Variants in NLGN1 observed in about 807,000 individuals in gnomAD.
NLGN1 encodes neuroligin 1.
NLGN1 carries 12 observed loss-of-function variants against 65.5 expected under a neutral mutation model. That is an observed-to-expected ratio of 0.18 (90% confidence interval 0.12 to 0.30). The LOEUF (loss-of-function observed/expected upper bound fraction) is 0.30, where lower values mean the gene tolerates loss of function less well. Ranked by LOEUF, NLGN1 falls within the 10% of genes least tolerant of loss-of-function variation. The pLI, the probability that NLGN1 is intolerant of heterozygous loss-of-function variation, is 1.00. For synonymous variants in NLGN1, 350 were observed against 359.5 expected (o/e 0.97, Z 0.30); for missense variants, 750 against 1,007.1 (o/e 0.74, Z 3.46).
intron 4 of NLGN1, among the ~76,000 whole-genome samples, chr3:174,118,976 T>C (rs1468844428): frequency 6.6e-6 from 1 of 152,044 alleles, no homozygotes; most frequent in African/African-American, 2.4e-5. Flanking sequence ...AGAAAGGCAA[T>C]AATAATTGGT....
chr3:174,227,320 G>A (rs1287284016), intron 4 of NLGN1, among the ~76,000 whole-genome samples: 3 of 152,088 alleles, frequency 2.0e-5, no homozygotes, highest in Non-Finnish European at 4.4e-5. Context: ...ATTCACCCTT[G>A]CCACATAGTG....
intron 4 of NLGN1, among the ~76,000 whole-genome samples, chr3:173,899,591 C>A (rs1159576392): frequency 1.3e-5 from 2 of 152,020 alleles, no homozygotes; most frequent in Non-Finnish European, 2.9e-5. Context: ...TGAGAAAAAT[C>A]AAAAGAATAG....
intron 4 of NLGN1, among the ~76,000 whole-genome samples, chr3:174,083,040 T>C (rs1742560335): frequency 6.6e-6 from 1 of 152,236 alleles, no homozygotes; most frequent in Non-Finnish European, 1.5e-5. Context: ...TTTATTTTTT[T>C]CTACTTTATT....
intron 4 of NLGN1, among the ~76,000 whole-genome samples, chr3:173,946,316 GTGTGTGTGTGTA>G (rs1747138744): frequency 6.6e-6 from 1 of 151,724 alleles, no homozygotes; most frequent in African/African-American, 2.4e-5. Context: ...GTGTTTGGTT[GTGTGTGTGTGTA>G]TGTGTGTGTG....
chr3:174,046,624 A>G (rs1189639965), intron 4 of NLGN1, among the ~76,000 whole-genome samples: 2 of 152,164 alleles, frequency 1.3e-5, no homozygotes, highest in African/African-American at 4.8e-5. Context: ...AATCTCATGC[A>G]AGTTTGTGAC....
At chr3:173,806,702 C>T (rs1310833471) in intron 3 of NLGN1, among the ~76,000 whole-genome samples, 4 of 152,028 alleles carry the variant, frequency 2.6e-5, no homozygotes, top group Non-Finnish European at 4.4e-5. Context: ...GAAATCAGTG[C>T]ATTTTTCATA....
In NLGN1 at chr3:173,847,490, A is replaced by G. The variant is rs1251299037; in HGVS notation, c.646+39658A>G. ...ATGATGGCTACCAGCTATATTAAAA[A>G]TGTAGCTTTAAAGACTGGCTTATTA... is the stretch of plus-strand genomic sequence containing the variant. On this transcript the variant is annotated intron_variant, in intron 4 of 6. Coordinates refer to ENST00000457714, the Ensembl canonical transcript of NLGN1. Among the ~76,000 whole-genome samples, 115 of 152,252 alleles carry G rather than the reference A, an allele frequency of 7.6e-4. 1 individual carries two copies. Among genetic ancestry groups the G allele is most frequent in the Non-Finnish European group, 2.9e-5 (2 of 68,042 alleles).
chr3:174,154,993 T>TATATATAATATATTATATTATTATAA, intron 4 of NLGN1, among the ~76,000 whole-genome samples: 1 of 122,464 alleles, frequency 8.2e-6, no homozygotes, highest in East Asian at 2.5e-4. Flanking sequence ...TATTATATAT[T>TATATATAATATATTATATTATTATAA]ATATATATTT....
intron 3 of NLGN1, among the ~76,000 whole-genome samples, chr3:173,610,713 A>C (rs1190329672): frequency 6.6e-6 from 1 of 151,972 alleles, no homozygotes; most frequent in Non-Finnish European, 1.5e-5. Context: ...CCAAGTGGGC[A>C]TAGTGATCAA....
At chr3:173,688,188 G>T (rs758960814) in intron 3 of NLGN1, among the ~76,000 whole-genome samples, 1 of 152,126 alleles carries the variant, frequency 6.6e-6, no homozygotes. Context: ...CTTGTGAGTC[G>T]TATGACATGG....
At chr3:173,807,955 G>A (rs1343198429) in intron 4 of NLGN1, 123 bp downstream of exon 4, 8 of 918,778 alleles carry the variant, frequency 8.7e-6, no homozygotes, top group African/African-American at 3.4e-5. Context: ...TGACATTCTC[G>A]AGCCCAAATT....
At chr3:174,106,192 A>G (rs1231784244) in intron 4 of NLGN1, among the ~76,000 whole-genome samples, 1 of 152,186 alleles carries the variant, frequency 6.6e-6, no homozygotes, top group African/African-American at 2.4e-5. Context: ...GAGCTCGCAT[A>G]AAGTTTATAT....
At chr3:173,630,984 C>A (rs1755594329) in intron 3 of NLGN1, among the ~76,000 whole-genome samples, 1 of 151,972 alleles carries the variant, frequency 6.6e-6, no homozygotes, top group African/African-American at 2.4e-5. Context: ...AAAGAAAGTC[C>A]CAAGAAGAGA....
Position 173,911,328 on chromosome 3 carries a change from G to T in NLGN1, c.646+103496G>T, listed in dbSNP as rs375138671. ...TATCTAAGAGGTGAAATAAATCTAC[G>T]TTAACCTTGTATAGAACGGTTTCTA... On this transcript the variant is annotated intron_variant, in intron 4 of 6. Coordinates refer to ENST00000457714, the Ensembl canonical transcript of NLGN1. 9.2e-5 allele frequency among the ~76,000 whole-genome samples: 14 copies of T among 152,198 alleles called. No individual in the cohort carries two copies. The East Asian group carries it at 2.5e-3, about 27-fold the overall frequency.
Position 174,280,805 on chromosome 3 carries a change from C to G in NLGN1, c.1974C>G (p.Pro658=). 6.2e-7 allele frequency: 1 copy of G among 1,613,418 alleles called. No homozygotes were observed. Among genetic ancestry groups the G allele is most frequent in the Non-Finnish European group, 8.5e-7 (1 of 1,179,588 alleles). ...TTCCCACTGCCAAGCAGGATGATCC[C>G]AAACAACAACCAAGTCCATTTTCAG... Residue 658 remains proline (P), a synonymous_variant, in exon 7 of 7, where the codon CCC becomes CCG. Coordinates refer to ENST00000457714, the Ensembl canonical transcript of NLGN1. This position sits in a 1 kb window ranked among gnomAD's most constrained non-coding sequence, Gnocchi z 4.9.
chr3:173,539,682 A>G (rs1428325866), intron 2 of NLGN1, among the ~76,000 whole-genome samples: 10 of 92,994 alleles, frequency 1.1e-4, no homozygotes, highest in African/African-American at 4.8e-4. Flanking sequence ...TATATAACAT[A>G]CATATATGTA....
At chr3:173,899,791 G>A (rs1363904715) in intron 4 of NLGN1, among the ~76,000 whole-genome samples, 4 of 152,074 alleles carry the variant, frequency 2.6e-5, no homozygotes, top group African/African-American at 9.7e-5. Context: ...GCTTTACAGT[G>A]TAAGTTTGCT....
At chr3:174,034,547 G>A (rs906015962) in intron 4 of NLGN1, among the ~76,000 whole-genome samples, 2 of 152,104 alleles carry the variant, frequency 1.3e-5, no homozygotes, top group African/African-American at 2.4e-5. Context: ...GGATGAGAAG[G>A]AGGAATTGGG....
At chr3:174,199,816 C>T (rs1263181113) in intron 4 of NLGN1, among the ~76,000 whole-genome samples, 6 of 152,116 alleles carry the variant, frequency 3.9e-5, no homozygotes, top group Admixed American at 3.9e-4. Flanking sequence ...CTCATCTCAA[C>T]CTTATATAAA....
Sources: allele counts gnomAD v4.1 joint callset (sites outside exome capture counted in the v4.1 genomes callset), GRCh38; gene constraint gnomAD v4.1.1; non-coding constraint Gnocchi (gnomAD v3.1); transcripts MANE v1.5; gene names NCBI Gene and HGNC (gene_info 2026-07-23, HGNC 2026-07-21).